The following ALDH18A1 variants were observed in gnomAD, a reference collection of about 807,000 sequenced individuals.
ALDH18A1 encodes aldehyde dehydrogenase 18 family member A1, also known as delta-1-pyrroline-5-carboxylate synthase.
In ALDH18A1, 44 loss-of-function variants were observed where a neutral mutation model predicts 88.8. That is an observed-to-expected ratio of 0.50 (90% CI 0.39 to 0.64). The LOEUF is 0.64. Among genes scored for constraint, ALDH18A1 ranks in the 30% least tolerant of loss-of-function variants. ALDH18A1 has a pLI of 0.00. For missense variants in ALDH18A1, 782 were observed against 1,009.5 expected (o/e 0.77, Z 3.05); for synonymous variants, 331 against 372.1 (o/e 0.89, Z 1.27).
At position 95,653,416 on chromosome 10, in the gene ALDH18A1, C is replaced by T; in HGVS notation, c.-28-11G>A. The T allele has an allele frequency of 1.2e-6, 2 of 1,605,758 alleles. No individual in the cohort carries two copies. Among genetic ancestry groups the T allele is most frequent in the Middle Eastern group, 1.7e-4 (1 of 6,044 alleles). Reference sequence around the variant, plus strand: ...CACTAACCAAAGTATCTGCAGAATACATTTTTTAAAAAGTGAGTAATGAAA... The same window carrying T: ...CACTAACCAAAGTATCTGCAGAATATATTTTTTAAAAAGTGAGTAATGAAA... On this transcript the variant is annotated splice_polypyrimidine_tract_variant and intron_variant, in intron 1 of 17. Coordinates refer to ENST00000371224, the MANE Select transcript of ALDH18A1 (RefSeq NM_002860.4).
chr10:95,622,449 G>A (rs2139573723), intron 11 of ALDH18A1, among the ~76,000 whole-genome samples: 1 of 152,208 alleles, frequency 6.6e-6, no homozygotes, highest in African/African-American at 2.4e-5. Context: ...TGATTCCTCT[G>A]TCTCCACTTC....
chr10:95,607,869 G>A (rs1267176257), intron 17 of ALDH18A1, among the ~76,000 whole-genome samples: 3 of 152,134 alleles, frequency 2.0e-5, no homozygotes, highest in African/African-American at 7.2e-5. Flanking sequence ...GCAGAGAGAA[G>A]AGCAAGTACG....
intron 7 of ALDH18A1, among the ~76,000 whole-genome samples, chr10:95,629,122 T>C (rs1044978590): frequency 6.6e-6 from 1 of 152,156 alleles, no homozygotes; most frequent in African/African-American, 2.4e-5. Flanking sequence ...AATAGTTACC[T>C]GAAATGTTAC....
chr10:95,644,941 C>A (rs1404272814), intron 2 of ALDH18A1, among the ~76,000 whole-genome samples: 1 of 152,160 alleles, frequency 6.6e-6, no homozygotes, highest in Non-Finnish European at 1.5e-5. Context: ...CCTGGACTGC[C>A]TACCTTCTTG....
In ALDH18A1 at chr10:95,613,774, C is replaced by A; in HGVS notation, c.1891G>T (p.Asp631Tyr). 1 of 1,614,092 alleles carries A rather than the reference C, an allele frequency of 6.2e-7. No individual in the cohort carries two copies. The highest frequency in any genetic ancestry group is 1.1e-5 in the South Asian group (1 of 91,052). Residue 631 changes from aspartate (D) to tyrosine (Y), a missense_variant, in exon 15 of 18, where the codon GAC becomes TAC. Physicochemically the swap from Asp to Tyr is radical, Grantham distance 160 (BLOSUM62 -3). Coordinates refer to ENST00000371224, the MANE Select transcript of ALDH18A1 (RefSeq NM_002860.4). ...HRDLLRTPLF[D>Y]QIIDMLRVEQ... is the part of the protein sequence containing the mutation. ...ACTCTCAGCATATCAATGATCTGGT[C>A]AAATAATGGTGTCCTGAGCAGATCC... is the stretch of plus-strand genomic sequence containing the variant.
intron 1 of ALDH18A1, among the ~76,000 whole-genome samples, chr10:95,653,995 G>A (rs1202269937): frequency 1.3e-5 from 2 of 152,168 alleles, no homozygotes. Context: ...TCTTAATCCT[G>A]TGGAGGAAGA....
chr10:95,654,950 T>C (rs1195898095), intron 1 of ALDH18A1, among the ~76,000 whole-genome samples: 1 of 152,072 alleles, frequency 6.6e-6, no homozygotes, highest in East Asian at 1.9e-4. Flanking sequence ...CACAGCTGGA[T>C]ATAATTCTAT....
chr10:95,637,158 C>T lies in ALDH18A1; in HGVS notation c.493G>A (p.Gly165Arg), dbSNP rs2139621221. 2.5e-6 allele frequency: 4 copies of T among 1,614,168 alleles called. No individual in the cohort carries two copies. The highest frequency in any genetic ancestry group is 3.4e-6 in the Non-Finnish European group (4 of 1,180,042). ...TACAAGGCCATCAGCCCACTCTGTCCGGCAGCTGCACAGGCTCGTGCCTCT... is the reference window on the plus strand; with the variant it reads ...TACAAGGCCATCAGCCCACTCTGTCTGGCAGCTGCACAGGCTCGTGCCTCT... ...VLEARACAAAGQSGLMALYEA... is the reference protein window; with the variant it reads ...VLEARACAAARQSGLMALYEA... The change falls in exon 5 of 18, where the codon GGA becomes AGA. Residue 165 changes from glycine (G) to arginine (R), a missense_variant. Physicochemically the swap from Gly to Arg is moderately radical, Grantham distance 125. Coordinates refer to ENST00000371224, the MANE Select transcript of ALDH18A1 (RefSeq NM_002860.4).
At position 95,611,086 on chromosome 10, in the gene ALDH18A1, T is replaced by C. The variant is rs2296689; in HGVS notation, c.2110+170A>G. On this transcript the variant is annotated intron_variant, in intron 16 of 17. Transcript: ENST00000371224. ...CCCTCCTCCTCCAGCTGTGACAATA[T>C]AATAAAGTGATGTGAAAGCACTCAT... is the stretch of plus-strand genomic sequence containing the variant. 0.39 allele frequency among the ~76,000 whole-genome samples: 58,767 copies of C among 152,016 alleles called. 12,953 individuals carry two copies. The highest frequency in any genetic ancestry group is 0.5 in the Admixed American group (7,577 of 15,246).
In ALDH18A1 at chr10:95,606,741, C is replaced by T. The variant is rs979620706; in HGVS notation, c.*21G>A. 1 of 1,614,060 alleles carries T rather than the reference C, an allele frequency of 6.2e-7. No individual in the cohort carries two copies. The highest frequency in any genetic ancestry group is 8.5e-7 in the Non-Finnish European group (1 of 1,179,982). ...TAACGTGAAGACCTTTTGGAAAATT[C>T]CCGGGTTTTCCTGGCTCTTTTCAGT... On this transcript the variant is annotated 3_prime_UTR_variant, in exon 18 of 18. Coordinates refer to ENST00000371224, the MANE Select transcript of ALDH18A1 (RefSeq NM_002860.4).
intron 2 of ALDH18A1, among the ~76,000 whole-genome samples, chr10:95,645,739 T>C (rs1426958097): frequency 2.0e-5 from 3 of 152,086 alleles, no homozygotes; most frequent in East Asian, 3.8e-4. Flanking sequence ...CAGAGCTGCT[T>C]GGTAAGCCAT....
Position 95,606,498 on chromosome 10 carries a change from C to A in ALDH18A1, c.*264G>T. ...TTTTTTATGGGGAAAATGCACCTTT[C>A]AATCCTAGAAGATAATTGGACTTGG... is the stretch of plus-strand genomic sequence containing the variant. On this transcript the variant is annotated 3_prime_UTR_variant, in exon 18 of 18. Coordinates refer to ENST00000371224, the MANE Select transcript of ALDH18A1 (RefSeq NM_002860.4). 7.6e-7 allele frequency: 1 copy of A among 1,320,272 alleles called. No individual in the cohort carries two copies. Among genetic ancestry groups the A allele is most frequent in the Non-Finnish European group, 9.7e-7 (1 of 1,029,800 alleles). The allele number at this position is 1,320,272 out of a possible 1,614,324, so 81.8% of individuals were successfully genotyped here.
intron 1 of ALDH18A1, 89 bp downstream of exon 1, chr10:95,656,508 G>A (rs1434234820): frequency 1.3e-5 from 2 of 152,186 alleles, no homozygotes; most frequent in Non-Finnish European, 2.9e-5. Context: ...CAGCGGCCCG[G>A]CGCTCACGCC....
At chr10:95,612,937 T>G (rs1324296859) in intron 15 of ALDH18A1, among the ~76,000 whole-genome samples, 1 of 152,198 alleles carries the variant, frequency 6.6e-6, no homozygotes, top group Admixed American at 6.5e-5. Flanking sequence ...CATGCCACAT[T>G]TATAAGCTAA....
chr10:95,633,856 G>A (rs147862648), intron 5 of ALDH18A1, among the ~76,000 whole-genome samples: 9 of 127,736 alleles, frequency 7.0e-5, no homozygotes, highest in Non-Finnish European at 1.4e-4. Flanking sequence ...TCATTCTGTC[G>A]CTCAGGCCGT....
chr10:95,614,262 A>C, intron 13 of ALDH18A1, 101 bp from the exon 14 acceptor site: 3 of 1,251,560 alleles, frequency 2.4e-6, no homozygotes, highest in Non-Finnish European at 3.4e-6. Context: ...ACACTCTGAG[A>C]ACTAAGTGAG....
intron 16 of ALDH18A1, 89 bp from the exon 17 acceptor site, chr10:95,610,381 G>A: frequency 1.5e-6 from 2 of 1,309,084 alleles, no homozygotes; most frequent in South Asian, 2.4e-5. Flanking sequence ...GATCAGGGCA[G>A]GGTCTGGGTC....
chr10:95,640,239 A>G (rs530115255), intron 3 of ALDH18A1, among the ~76,000 whole-genome samples: 3 of 152,202 alleles, frequency 2.0e-5, no homozygotes, highest in African/African-American at 7.2e-5. Context: ...CAATATGAGT[A>G]GCTTCTCTAG....
rs1589519965 is a variant in ALDH18A1 at position 95,627,375 on chromosome 10, T to G, written c.1078+67A>C. ...TAATATTAGCATATCAATTTTGTGATCTCTAACTAAGCCAGGTGTCACTAG... is the reference window on the plus strand; with the variant it reads ...TAATATTAGCATATCAATTTTGTGAGCTCTAACTAAGCCAGGTGTCACTAG... On this transcript the variant is annotated intron_variant, in intron 9 of 17. Transcript: ENST00000371224. The G allele has an allele frequency of 5.7e-6, 9 of 1,586,532 alleles. No individual in the cohort carries two copies. In the East Asian group the frequency reaches 2.0e-4, roughly 36 times the overall value.
Sources: gnomAD v4.1 joint callset for allele counts (sites outside exome capture counted in the v4.1 genomes callset) on GRCh38, gnomAD v4.1.1 for gene constraint, MANE v1.5 for transcripts, NCBI Gene and HGNC (gene_info 2026-07-23, HGNC 2026-07-21) for gene names.